The following PEAK3 variants were observed in gnomAD, a reference collection of about 807,000 sequenced individuals.
PEAK3 encodes the protein protein PEAK3.
Under a neutral mutation model 13.3 loss-of-function variants are expected in PEAK3, and 15 were observed. The observed-to-expected ratio is 1.13, with a 90% CI of 0.75 to 1.73. The LOEUF (loss-of-function observed/expected upper bound fraction) is 1.73. PEAK3 is among the 40% of genes most tolerant of loss of function. The pLI is 0.00. For synonymous variants in PEAK3, 347 were observed against 341.9 expected (o/e 1.01, Z -0.17); for missense variants, 739 against 690.2 (o/e 1.07, Z -0.79).
chr19:2,278,520 C>G, intron 3 of PEAK3, 64 bp downstream of exon 3: 2 of 1,380,528 alleles, frequency 1.4e-6, no homozygotes, highest in Non-Finnish European at 1.9e-6. Context: ...TGAAACAAGC[C>G]CTGGGTTATG....
At chr19:2,279,172 G>C in intron 2 of PEAK3, 59 bp from the exon 3 acceptor site, 1 of 1,307,514 alleles carries the variant, frequency 7.6e-7, no homozygotes, top group Non-Finnish European at 9.9e-7. Context: ...CGGGACACGT[G>C]ACTCCACCTC....
rs2025391796 is a variant in PEAK3, at chr19:2,276,504, G to A, written c.613-15C>T. 3 of 1,491,546 alleles carry A rather than the reference G, an allele frequency of 2.0e-6. No individual in the cohort carries two copies. Among genetic ancestry groups the A allele is most frequent in the Non-Finnish European group, 2.7e-6 (3 of 1,128,416 alleles). The allele number at this position is 1,491,546 out of a possible 1,614,324, so 92.4% of individuals were successfully genotyped here. Reference sequence around the variant, plus strand: ...GGCTTGGGCACCTGCAAGGCAGAGGGGGTGTCGGGGCCTGGATCACTGGGC... The same window carrying A: ...GGCTTGGGCACCTGCAAGGCAGAGGAGGTGTCGGGGCCTGGATCACTGGGC... On this transcript the variant is annotated splice_polypyrimidine_tract_variant and intron_variant, in intron 3 of 3. Coordinates refer to ENST00000342063, the MANE Select transcript of PEAK3 (RefSeq NM_198532.3).
At chr19:2,276,689 G>C (rs1225691861) in intron 3 of PEAK3, among the ~76,000 whole-genome samples, 200 bp from the exon 4 acceptor site, 1 of 152,202 alleles carries the variant, frequency 6.6e-6, no homozygotes, top group Non-Finnish European at 1.5e-5. Context: ...TTTCAGGAAA[G>C]TTAAGCCAGG....
In PEAK3 at chr19:2,282,067, C is replaced by T; in HGVS notation, c.-5+20G>A. The T allele has an allele frequency of 6.6e-6, 1 of 152,648 alleles. No individual in the cohort carries two copies. The highest frequency in any genetic ancestry group is 1.5e-5 in the Non-Finnish European group (1 of 68,332). The allele number at this position is 152,648 out of a possible 1,614,324, so 9.5% of individuals were successfully genotyped here. A position where few individuals can be genotyped will look rare whatever the true frequency, so the allele number is the denominator to read the frequency against. ...AAAGTGGCCGCTTCTGTCCAGCTCCCCGCTCCAGGAGCCCCCTACCTTCAA... is the reference window on the plus strand; with the variant it reads ...AAAGTGGCCGCTTCTGTCCAGCTCCTCGCTCCAGGAGCCCCCTACCTTCAA... On this transcript the variant is annotated intron_variant, in intron 1 of 3. Coordinates refer to ENST00000342063, the MANE Select transcript of PEAK3 (RefSeq NM_198532.3).
At position 2,275,766 on chromosome 19, in the gene PEAK3, T is replaced by A. The variant is rs1194643348; in HGVS notation, c.1336A>T (p.Ser446Cys). ...AERAAGGEAP[S>C]LEDWLCCEYL... ...TCGCAACACAGCCAGTCCTCGAGGCTGGGAGCTTCCCCACCTGCGGCCCGC... is the reference window on the plus strand; with the variant it reads ...TCGCAACACAGCCAGTCCTCGAGGCAGGGAGCTTCCCCACCTGCGGCCCGC... The change falls in exon 4 of 4, where the codon AGC becomes TGC. Residue 446 changes from serine to cysteine, a missense_variant. Coordinates refer to ENST00000342063, the MANE Select transcript of PEAK3 (RefSeq NM_198532.3). 6.3e-7 allele frequency: 1 copy of A among 1,583,646 alleles called. No homozygotes were observed. The highest frequency in any genetic ancestry group is 1.7e-5 in the Admixed American group (1 of 57,152).
rs1417662812 is a variant in PEAK3 at position 2,276,205 on chromosome 19, G to T, written c.897C>A (p.Gly299=). The T allele has an allele frequency of 1.9e-6, 3 of 1,564,654 alleles. No homozygotes were observed. The Admixed American group carries it at 5.5e-5, about 29-fold the overall frequency. Residue 299 remains glycine, a synonymous_variant, in exon 4 of 4, where the codon GGC becomes GGA. Coordinates refer to ENST00000342063, the MANE Select transcript of PEAK3 (RefSeq NM_198532.3). ...CCGGCCGCAACTCGACTAGGGCCGC[G>T]CCCCACGCCTCCAGGAACTTCAGGG... ...SAALKFLEAW[G]AALVELRPEN... is the part of the protein sequence containing the mutation.
In PEAK3 at chr19:2,276,197, A is replaced by G. The variant is rs758789888; in HGVS notation, c.905T>C (p.Leu302Pro). ...LKFLEAWGAA[L>P]VELRPENLLL... Reference sequence around the variant, plus strand: ...CAAGTTCTCCGGCCGCAACTCGACTAGGGCCGCGCCCCACGCCTCCAGGAA... The same window carrying G: ...CAAGTTCTCCGGCCGCAACTCGACTGGGGCCGCGCCCCACGCCTCCAGGAA... Residue 302 changes from leucine to proline, a missense_variant, in exon 4 of 4, where the codon CTA (leucine) becomes CCA (proline). Transcript: ENST00000342063. The G allele has an allele frequency of 6.4e-7, 1 of 1,559,236 alleles. No homozygotes were observed. The highest frequency in any genetic ancestry group is 1.2e-5 in the South Asian group (1 of 85,678).
rs529486647 is a variant in PEAK3, at chr19:2,278,942, G to A, written c.254C>T (p.Pro85Leu). 4.3e-5 allele frequency: 69 copies of A among 1,608,268 alleles called. 1 individual carries two copies. The Admixed American group carries it at 7.1e-4, about 17-fold the overall frequency. ...TLHPSSIQVQ[P>L]PRRPFLGSHS... ...GGACCCCAGAAAGGGTCTCCGAGGC[G>A]GCTGTACTTGGATGGAGCTGGGATG... Residue 85 changes from proline to leucine, a missense_variant, in exon 3 of 4, where the codon CCG becomes CTG. Pro to Leu is a moderately conservative substitution (Grantham distance 98). Coordinates refer to ENST00000342063, the MANE Select transcript of PEAK3 (RefSeq NM_198532.3).
Position 2,275,900 on chromosome 19 carries a change from C to A in PEAK3, c.1202G>T (p.Gly401Val). 7.2e-7 allele frequency: 1 copy of A among 1,391,730 alleles called. No individual in the cohort carries two copies. Among genetic ancestry groups the A allele is most frequent in the Non-Finnish European group, 9.3e-7 (1 of 1,080,892 alleles). 86.2% of individuals were successfully genotyped at this position (1,391,730 alleles called of 1,614,324 possible). A position where few individuals can be genotyped will look rare whatever the true frequency, so the allele number is the denominator to read the frequency against. ...GCGGCCGCGCAGCTCAGGCCCGGGC[C>A]CCCAGAGCAGCGCCTGCAGCGCGCC... ...TRGALQALLW[G>V]PGPELRGRGA... Residue 401 changes from glycine (G) to valine (V), a missense_variant, in exon 4 of 4, where the codon GGG becomes GTG. Transcript: ENST00000342063.
Position 2,278,505 on chromosome 19 carries a change from C to T in PEAK3, c.612+79G>A, listed in dbSNP as rs1347360667. The T allele has an allele frequency of 3.0e-6, 4 of 1,352,472 alleles. No homozygotes were observed. In the African/African-American group the frequency reaches 4.4e-5, roughly 15 times the overall value. The allele number at this position is 1,352,472 out of a possible 1,614,324, so 83.8% of individuals were successfully genotyped here. Reference sequence around the variant, plus strand: ...GTGTGAGAACTGACTCACAGAAAGGCCAAATGAAACAAGCCCTGGGTTATG... The same window carrying T: ...GTGTGAGAACTGACTCACAGAAAGGTCAAATGAAACAAGCCCTGGGTTATG... On this transcript the variant is annotated intron_variant, in intron 3 of 3. Coordinates refer to ENST00000342063, the MANE Select transcript of PEAK3 (RefSeq NM_198532.3).
chr19:2,277,463 C>T (rs1366129882), intron 3 of PEAK3, among the ~76,000 whole-genome samples: 1 of 152,178 alleles, frequency 6.6e-6, no homozygotes, highest in Non-Finnish European at 1.5e-5. Context: ...TCCCCAGAAG[C>T]AGAAGCCACC....
Position 2,276,203 on chromosome 19 carries a change from G to T in PEAK3, c.899C>A (p.Ala300Glu). 6.4e-7 allele frequency: 1 copy of T among 1,562,606 alleles called. No homozygotes were observed. Among genetic ancestry groups the T allele is most frequent in the Non-Finnish European group, 8.6e-7 (1 of 1,157,788 alleles). Residue 300 changes from alanine to glutamate, a missense_variant, in exon 4 of 4, where the codon GCG becomes GAG. Coordinates refer to ENST00000342063, the MANE Select transcript of PEAK3 (RefSeq NM_198532.3). ...AALKFLEAWGAALVELRPENL... is the reference protein window; with the variant it reads ...AALKFLEAWGEALVELRPENL... The stretch of plus-strand genomic sequence containing the variant: ...CTCCGGCCGCAACTCGACTAGGGCC[G>T]CGCCCCACGCCTCCAGGAACTTCAG...
At chr19:2,277,984 C>A (rs2025405562) in intron 3 of PEAK3, among the ~76,000 whole-genome samples, 1 of 151,530 alleles carries the variant, frequency 6.6e-6, no homozygotes, top group Non-Finnish European at 1.5e-5. Context: ...CTGCTTCAGC[C>A]TCCCAAATAG....
At chr19:2,280,103 C>A (rs972906778) in intron 2 of PEAK3, among the ~76,000 whole-genome samples, 1 of 138,824 alleles carries the variant, frequency 7.2e-6, no homozygotes, top group Non-Finnish European at 1.5e-5. Flanking sequence ...CCCTCTGTCG[C>A]CCAGGCTGGA....
In PEAK3 at chr19:2,276,068, G is replaced by A. The variant is rs943183448; in HGVS notation, c.1034C>T (p.Pro345Leu). 6 of 1,458,358 alleles carry A rather than the reference G, an allele frequency of 4.1e-6. No individual in the cohort carries two copies. In the South Asian group the frequency reaches 5.6e-5, roughly 14 times the overall value. 90.3% of individuals were successfully genotyped at this position (1,458,358 alleles called of 1,614,324 possible). A position where few individuals can be genotyped will look rare whatever the true frequency, so the allele number is the denominator to read the frequency against. ...GCCCAGCTGCGGCGCGTGGGGGCCC[G>A]GGGATCCCGGGGGTCCAGGGGGCTG... ...CLQPPGPPGSPGPHAPQLGSL... is the reference protein window; with the variant it reads ...CLQPPGPPGSLGPHAPQLGSL... Residue 345 changes from proline (P) to leucine (L), a missense_variant, in exon 4 of 4, where the codon CCG (proline) becomes CTG (leucine). Transcript: ENST00000342063.
At position 2,278,524 on chromosome 19, in the gene PEAK3, G is replaced by A. The variant is rs1200413481; in HGVS notation, c.612+60C>T. On this transcript the variant is annotated intron_variant, in intron 3 of 3. Transcript: ENST00000342063. ...GAAAGGCCAAATGAAACAAGCCCTG[G>A]GTTATGTCTAAGATGGGGCACTGGG... 3 of 1,384,354 alleles carry A rather than the reference G, an allele frequency of 2.2e-6. No homozygotes were observed. The East Asian group carries it at 7.7e-5, about 36-fold the overall frequency. 85.8% of individuals were successfully genotyped at this position (1,384,354 alleles called of 1,614,324 possible). A position where few individuals can be genotyped will look rare whatever the true frequency, so the allele number is the denominator to read the frequency against.
chr19:2,280,982 C>T, intron 1 of PEAK3, 47 bp from the exon 2 acceptor site: 1 of 1,273,938 alleles, frequency 7.8e-7, no homozygotes, highest in Non-Finnish European at 1.1e-6. Flanking sequence ...CGTGTGCACG[C>T]ACAGGGCGAC....
At chr19:2,280,777 A>ACCTGCCGCTCCCTGCACCCC (rs750589842) in intron 2 of PEAK3, 73 bp downstream of exon 2, 25 of 1,072,798 alleles carry the variant, frequency 2.3e-5, no homozygotes, top group African/African-American at 3.2e-5. Flanking sequence ...CCCTGCACCC[A>ACCTGCCGCTCCCTGCACCCC]CCTGCCGCTC....
At chr19:2,276,583 C>G in intron 3 of PEAK3, 94 bp from the exon 4 acceptor site, 1 of 1,085,996 alleles carries the variant, frequency 9.2e-7, no homozygotes, top group Admixed American at 3.0e-5. Flanking sequence ...CTCCCACGCA[C>G]ACCCCCAAAC....
Sources: gnomAD v4.1 joint callset for allele counts (sites outside exome capture counted in the v4.1 genomes callset) on GRCh38, gnomAD v4.1.1 for gene constraint, MANE v1.5 for transcripts, NCBI Gene and HGNC (gene_info 2026-07-23, HGNC 2026-07-21) for gene names.